Variants in GPRC6A observed in about 807,000 individuals in gnomAD.
GPRC6A encodes the protein G protein-coupled receptor class C group 6 member A.
A neutral mutation model predicts 47.0 loss-of-function variants in GPRC6A; 54 were observed. The observed-to-expected ratio is 1.15, with a 90% CI of 0.92 to 1.44. The LOEUF (loss-of-function observed/expected upper bound fraction) is 1.44. Among genes scored for constraint, GPRC6A ranks in the 40% most tolerant of loss-of-function variants. The pLI, the probability that GPRC6A is intolerant of heterozygous loss-of-function variation, is 0.00. For synonymous variants in GPRC6A, 347 were observed against 377.1 expected, an observed-to-expected ratio of 0.92 and a Z score of 0.93; for missense variants, 1,112 against 1,105.5, an observed-to-expected ratio of 1.01 and a Z score of -0.08.
chr6:116,800,817 G>T (rs776676750), intron 3 of GPRC6A, 21 bp from the exon 4 acceptor site: 2 of 1,435,296 alleles, frequency 1.4e-6, no homozygotes, highest in South Asian at 2.3e-5. Flanking sequence ...TAAAAACAGA[G>T]ATAAGCACTT....
At chr6:116,798,349 G>A (rs1772552659) in intron 4 of GPRC6A, among the ~76,000 whole-genome samples, 1 of 152,154 alleles carries the variant, frequency 6.6e-6, no homozygotes, top group African/African-American at 2.4e-5. Flanking sequence ...AAAGGAAATA[G>A]CAGGGGCAAA....
chr6:116,814,834 T>G (rs1366545102), intron 1 of GPRC6A, among the ~76,000 whole-genome samples: 1 of 151,728 alleles, frequency 6.6e-6, no homozygotes, highest in Non-Finnish European at 1.5e-5. Context: ...TTACAAGAAA[T>G]GCACTTTACA....
At chr6:116,824,048 A>C (rs1019059355) in intron 1 of GPRC6A, among the ~76,000 whole-genome samples, 4 of 152,170 alleles carry the variant, frequency 2.6e-5, no homozygotes, top group African/African-American at 9.6e-5. Context: ...GGGCAAAGAC[A>C]CAGATCCAAA....
At chr6:116,807,301 A>G (rs1772880874) in intron 2 of GPRC6A, 95 bp from the exon 3 acceptor site, 1 of 727,220 alleles carries the variant, frequency 1.4e-6, no homozygotes, top group Non-Finnish European at 2.3e-6. Flanking sequence ...GTAAATTTTC[A>G]TGACTTTCCT....
rs371513309 is a variant in GPRC6A, at chr6:116,806,878, A to G, written c.827T>C (p.Val276Ala). Reference protein sequence around the residue: ...ILEAQVNVIVVFLRQFHVFDL... With the variant: ...ILEAQVNVIVAFLRQFHVFDL... Reference sequence around the variant, plus strand: ...AAAAACATGGAATTGCCTCAGAAATACCACAATGACATTAACCTGGGCTTC... The same window carrying G: ...AAAAACATGGAATTGCCTCAGAAATGCCACAATGACATTAACCTGGGCTTC... Residue 276 changes from valine to alanine, a missense_variant, in exon 3 of 6, where the codon GTA (valine) becomes GCA (alanine). Transcript: ENST00000310357. 4 of 1,613,358 alleles carry G rather than the reference A, an allele frequency of 2.5e-6. No homozygotes were observed. In the African/African-American group the frequency reaches 4.0e-5, roughly 16 times the overall value.
chr6:116,792,520 G>T lies in GPRC6A; in HGVS notation c.2403C>A (p.Ile801=), dbSNP rs759181148. The T allele has an allele frequency of 1.9e-6, 3 of 1,613,766 alleles. No homozygotes were observed. The highest frequency in any genetic ancestry group is 2.5e-6 in the Non-Finnish European group (3 of 1,179,838). Residue 801 remains isoleucine, a synonymous_variant, in exon 6 of 6, where the codon ATC becomes ATA. Transcript: ENST00000310357. ...CATATTTGCCAAATGTGGTAGCATAGATAGGGATGAATGTGATCCAAGCTA... is the reference window on the plus strand; with the variant it reads ...CATATTTGCCAAATGTGGTAGCATATATAGGGATGAATGTGATCCAAGCTA... ...YFIAWITFIP[I]YATTFGKYVP... is the part of the protein sequence containing the mutation.
At chr6:116,794,362 C>T (rs1025915025) in intron 5 of GPRC6A, among the ~76,000 whole-genome samples, 6 of 152,264 alleles carry the variant, frequency 3.9e-5, no homozygotes, top group Admixed American at 2.6e-4. Flanking sequence ...TCATTTCATT[C>T]GTCCAGTGGA....
Position 116,792,767 on chromosome 6 carries a change from C to G in GPRC6A, c.2156G>C (p.Cys719Ser). The change falls in exon 6 of 6, where the codon TGC becomes TCC. Residue 719 changes from cysteine (C) to serine (S), a missense_variant. Coordinates refer to ENST00000310357, the MANE Select transcript of GPRC6A (RefSeq NM_148963.4). The stretch of plus-strand genomic sequence containing the variant: ...TGCTGCAAAGATTAGCCAGAGTGTG[C>G]AAATGACAACCTGGATGCCCGTGCA... ...FTCTGIQVVI[C>S]TLWLIFAAPT... 3.1e-6 allele frequency: 5 copies of G among 1,613,988 alleles called. No individual in the cohort carries two copies. The highest frequency in any genetic ancestry group is 4.2e-6 in the Non-Finnish European group (5 of 1,179,956).
intron 3 of GPRC6A, among the ~76,000 whole-genome samples, chr6:116,803,602 A>G (rs1326795683): frequency 1.2e-4 from 19 of 152,116 alleles, no homozygotes; most frequent in Admixed American, 1.2e-3. Context: ...GCCCTGATGG[A>G]CAAGGCTCTA....
intron 4 of GPRC6A, among the ~76,000 whole-genome samples, chr6:116,800,244 T>TTCTC (rs573988641): frequency 8.2e-6 from 1 of 121,794 alleles, no homozygotes; most frequent in Non-Finnish European, 1.7e-5. Context: ...CTTTCCTTCT[T>TTCTC]TCTCTCTCTC....
Position 116,806,669 on chromosome 6 carries a change from G to C in GPRC6A, c.1036C>G (p.Leu346Val), listed in dbSNP as rs778751309. ...FHSFLQNLHLLPSDSHKLLHE... is the reference protein window; with the variant it reads ...FHSFLQNLHLVPSDSHKLLHE... ...AAGAGTTTGTGACTGTCACTGGGAA[G>C]CAAGTGCAGATTTTGAAGAAAGGAA... Residue 346 changes from leucine (L) to valine (V), a missense_variant, in exon 3 of 6, where the codon CTT becomes GTT. By Grantham distance (32) the Leu-to-Val change is conservative. Coordinates refer to ENST00000310357, the MANE Select transcript of GPRC6A (RefSeq NM_148963.4). 6.2e-7 allele frequency: 1 copy of C among 1,613,544 alleles called. No homozygotes were observed. The highest frequency in any genetic ancestry group is 1.7e-5 in the Admixed American group (1 of 59,928).
intron 1 of GPRC6A, among the ~76,000 whole-genome samples, chr6:116,813,858 A>T (rs1336230258): frequency 2.0e-5 from 3 of 152,214 alleles, no homozygotes; most frequent in Non-Finnish European, 4.4e-5. Context: ...CAATCTACCC[A>T]CCTGAGAAAG....
At position 116,800,916 on chromosome 6, in the gene GPRC6A, A is replaced by G. The variant is rs536156145; in HGVS notation, c.1336-120T>C. 8 of 652,664 alleles carry G rather than the reference A, an allele frequency of 1.2e-5. No homozygotes were observed. The Admixed American group carries it at 2.2e-4, about 18-fold the overall frequency. The allele number at this position is 652,664 out of a possible 1,614,324, so 40.4% of individuals were successfully genotyped here. ...TTAAAAATGAGGGAAAAAAGATTAT[A>G]AATCACTGGTTGGAGAATTCTTAAC... On this transcript the variant is annotated intron_variant, in intron 3 of 5. Transcript: ENST00000310357.
In GPRC6A at chr6:116,800,566, G is replaced by T. The variant is rs568522655; in HGVS notation, c.1548+18C>A. The T allele has an allele frequency of 5.2e-6, 8 of 1,550,622 alleles. No homozygotes were observed. Among genetic ancestry groups the T allele is most frequent in the Admixed American group, 3.3e-5 (2 of 59,846 alleles). Reference sequence around the variant, plus strand: ...CCAATTGCTTTGAGTGCTACAAAACGGCCTACAACAAGGTTACCTTAAGAT... The same window carrying T: ...CCAATTGCTTTGAGTGCTACAAAACTGCCTACAACAAGGTTACCTTAAGAT... On this transcript the variant is annotated intron_variant, in intron 4 of 5. Coordinates refer to ENST00000310357, the MANE Select transcript of GPRC6A (RefSeq NM_148963.4).
At chr6:116,828,349 A>G (rs555391787) in intron 1 of GPRC6A, among the ~76,000 whole-genome samples, 1 of 152,212 alleles carries the variant, frequency 6.6e-6, no homozygotes, top group Non-Finnish European at 1.5e-5. Context: ...TTATCAGGAA[A>G]GAGTTAGACT....
intron 1 of GPRC6A, among the ~76,000 whole-genome samples, chr6:116,813,635 T>G (rs7750923): frequency 6.6e-6 from 1 of 151,932 alleles, no homozygotes; most frequent in East Asian, 1.9e-4. Flanking sequence ...TTAAATGTTA[T>G]ACCTAAAACC....
chr6:116,801,098 G>A (rs1163829026), intron 3 of GPRC6A, among the ~76,000 whole-genome samples: 1 of 152,046 alleles, frequency 6.6e-6, no homozygotes, highest in African/African-American at 2.4e-5. Flanking sequence ...GGGTCCCCTG[G>A]TATAGACACC....
chr6:116,792,350 G>A lies in GPRC6A; in HGVS notation c.2573C>T (p.Ser858Phe). The change falls in exon 6 of 6, where the codon TCC (serine) becomes TTC (phenylalanine). Residue 858 changes from serine to phenylalanine, a missense_variant. Coordinates refer to ENST00000310357, the MANE Select transcript of GPRC6A (RefSeq NM_148963.4). ...CAGGGCAATGCTGCTCACACTATGG[G>A]AAGAATAACTGTAGATCATCTTGAG... ...AFLKMIYSYS[S>F]HSVSSIALSP... The A allele has an allele frequency of 6.2e-7, 1 of 1,614,002 alleles. No homozygotes were observed. Among genetic ancestry groups the A allele is most frequent in the Non-Finnish European group, 8.5e-7 (1 of 1,179,916 alleles).
intron 1 of GPRC6A, among the ~76,000 whole-genome samples, chr6:116,818,341 C>T (rs1289463379): frequency 5.7e-4 from 83 of 146,636 alleles, no homozygotes; most frequent in Admixed American, 1.3e-3. Flanking sequence ...GAGACCATCC[C>T]GGCTAACACG....
Sources: allele counts gnomAD v4.1 joint callset (sites outside exome capture counted in the v4.1 genomes callset), GRCh38; gene constraint gnomAD v4.1.1; transcripts MANE v1.5; gene names NCBI Gene and HGNC (gene_info 2026-07-23, HGNC 2026-07-21).